Variants in RBFOX2 observed in about 807,000 individuals in gnomAD.
RBFOX2 encodes the protein RNA binding fox-1 homolog 2, also known as RNA binding protein fox-1 homolog 2.
Under a neutral mutation model 49.1 loss-of-function variants are expected in RBFOX2, and 10 were observed. That is an observed-to-expected ratio of 0.20 (90% CI 0.13 to 0.35). The LOEUF (loss-of-function observed/expected upper bound fraction) is 0.35. Ranked by LOEUF, RBFOX2 falls within the 10% of genes least tolerant of loss-of-function variation. RBFOX2 has a pLI of 1.00. For synonymous variants in RBFOX2, 183 were observed against 187.4 expected, an observed-to-expected ratio of 0.98 and a Z score of 0.19; for missense variants, 323 against 486.9, an observed-to-expected ratio of 0.66 and a Z score of 3.17.
intron 1 of RBFOX2, among the ~76,000 whole-genome samples, chr22:35,929,990 A>G (rs1042724452): frequency 3.3e-5 from 5 of 149,720 alleles, no homozygotes; most frequent in Non-Finnish European, 7.4e-5. Flanking sequence ...AGTAAATTTT[A>G]GGTATAGAAA....
In RBFOX2 at chr22:35,781,743, T is replaced by C. The variant is rs769977899; in HGVS notation, c.256A>G (p.Thr86Ala). The C allele has an allele frequency of 3.1e-6, 5 of 1,613,888 alleles. No individual in the cohort carries two copies. In the South Asian group the frequency reaches 5.5e-5, roughly 18 times the overall value. ...CCGTCTGTCTGTGCTCCACCTTCTG[T>C]CTGCTAAGCAAAGAAATAAAGAATG... The change falls in exon 3 of 12, where the codon ACA becomes GCA. Residue 86 changes from threonine (T) to alanine (A), a missense_variant. Physicochemically the swap from Thr to Ala is moderately conservative, Grantham distance 58. Transcript: ENST00000405409.
intron 1 of RBFOX2, among the ~76,000 whole-genome samples, chr22:35,889,842 T>C (rs570291272): frequency 1.3e-5 from 2 of 152,318 alleles, no homozygotes; most frequent in Admixed American, 1.3e-4. Flanking sequence ...ACTAAATGAC[T>C]AACGTGAAAC....
intron 1 of RBFOX2, among the ~76,000 whole-genome samples, chr22:35,976,533 C>T (rs1399707956): frequency 6.6e-6 from 1 of 152,000 alleles, no homozygotes; most frequent in African/African-American, 2.4e-5. Flanking sequence ...GAATTCAATC[C>T]AACATTTTTA....
chr22:35,746,046 A>G, intron 10 of RBFOX2, 51 bp from the exon 13 acceptor site: 3 of 1,503,840 alleles, frequency 2.0e-6, no homozygotes, highest in Non-Finnish European at 2.8e-6. Flanking sequence ...TATGATCTAA[A>G]AAAATTAAAG....
chr22:35,802,594 T>G (rs1277356156), intron 2 of RBFOX2, among the ~76,000 whole-genome samples: 1 of 152,202 alleles, frequency 6.6e-6, no homozygotes. Context: ...AGGGCAGATC[T>G]GACTTGGGAC....
chr22:35,822,911 A>G (rs537470296), intron 1 of RBFOX2: 103 of 354,258 alleles, frequency 2.9e-4, no homozygotes, highest in South Asian at 2.0e-3. Context: ...TGCAACTTCC[A>G]CCTCCGGGTT....
intron 1 of RBFOX2, chr22:35,992,318 C>T (rs184196651): frequency 1.3e-5 from 2 of 152,192 alleles, no homozygotes; most frequent in African/African-American, 4.8e-5. Flanking sequence ...CACACACACA[C>T]AAGTAACAAT....
At chr22:35,958,163 T>C (rs941601533) in intron 1 of RBFOX2, among the ~76,000 whole-genome samples, 1 of 152,228 alleles carries the variant, frequency 6.6e-6, no homozygotes, top group Non-Finnish European at 1.5e-5. Context: ...ATTATTTCAA[T>C]TGAGTTTTAT....
intron 1 of RBFOX2, among the ~76,000 whole-genome samples, chr22:35,971,912 T>TAAA (rs527896726): frequency 0.013 from 715 of 56,590 alleles, 56 homozygotes; most frequent in Non-Finnish European, 0.015. Flanking sequence ...TTTTTCTCCC[T>TAAA]AAAAAAAAAA....
chr22:35,855,534 T>C (rs973793285), intron 1 of RBFOX2, among the ~76,000 whole-genome samples: 1 of 152,074 alleles, frequency 6.6e-6, no homozygotes, highest in African/African-American at 2.4e-5. Context: ...ACCTCCCAAG[T>C]AGATGGAACT....
chr22:35,826,505 C>T (rs976334397), intron 1 of RBFOX2, among the ~76,000 whole-genome samples: 2 of 151,920 alleles, frequency 1.3e-5, no homozygotes, highest in African/African-American at 4.8e-5. Context: ...CACATCAATA[C>T]AAATATGAGG....
chr22:35,749,214 C>T lies in RBFOX2; in HGVS notation c.888-2653G>A, dbSNP rs2042158388. 1.3e-5 allele frequency among the ~76,000 whole-genome samples: 2 copies of T among 152,092 alleles called. No homozygotes were observed. Among genetic ancestry groups the T allele is most frequent in the African/African-American group, 4.8e-5 (2 of 41,410 alleles). ...AAACATGATGAAGTTCTCTGCTTTT[C>T]AAGTGGAAGAAAACAGAACAGGGTT... On this transcript the variant is annotated intron_variant, in intron 9 of 11. Coordinates refer to ENST00000405409, the Ensembl canonical transcript of RBFOX2. The surrounding 1 kb of genome is among the most constrained non-coding windows in gnomAD (Gnocchi z 4.1).
intron 11 of RBFOX2, 61 bp from the exon 14 acceptor site, chr22:35,744,310 AG>A (rs1931422568): frequency 6.8e-7 from 1 of 1,467,486 alleles, no homozygotes; most frequent in African/African-American, 1.4e-5. Flanking sequence ...TTAACAGTGA[AG>A]AAAAATGTCC....
At chr22:35,940,389 T>C (rs992915595), upstream of RBFOX2, among the ~76,000 whole-genome samples, 14 of 152,132 alleles carry the variant, frequency 9.2e-5, no homozygotes, top group African/African-American at 3.4e-4. Context: ...CAAAACCACA[T>C]TGAGATAAAA....
At chr22:35,919,050 A>G (rs972709928) in intron 1 of RBFOX2, among the ~76,000 whole-genome samples, 2 of 152,272 alleles carry the variant, frequency 1.3e-5, no homozygotes, top group African/African-American at 4.8e-5. Flanking sequence ...TAGCAATTAA[A>G]AAATGAAGTA....
chr22:35,976,681 G>A (rs1456855478), intron 1 of RBFOX2, among the ~76,000 whole-genome samples: 5 of 152,066 alleles, frequency 3.3e-5, no homozygotes, highest in African/African-American at 1.2e-4. Context: ...CGAACCACCC[G>A]GCCAGGAACA....
At chr22:35,958,826 CTGTCA>C (rs1035516786) in intron 1 of RBFOX2, among the ~76,000 whole-genome samples, 10 of 152,088 alleles carry the variant, frequency 6.6e-5, no homozygotes, top group Admixed American at 6.6e-4. Context: ...AAAGAGCTGC[CTGTCA>C]TATCTCGTTA....
intron 1 of RBFOX2, among the ~76,000 whole-genome samples, chr22:35,934,984 G>T (rs1329646698): frequency 6.6e-6 from 1 of 152,082 alleles, no homozygotes; most frequent in Non-Finnish European, 1.5e-5. Context: ...ACCCAGGCTG[G>T]AGCGCAGTGG....
chr22:35,955,760 A>G (rs1212477013), intron 1 of RBFOX2, among the ~76,000 whole-genome samples: 5 of 152,116 alleles, frequency 3.3e-5, no homozygotes, highest in Non-Finnish European at 7.4e-5. Context: ...CCTGGTTCCT[A>G]ACAGGCCACA....
Sources: gnomAD v4.1 joint callset for allele counts (sites outside exome capture counted in the v4.1 genomes callset) on GRCh38, gnomAD v4.1.1 for gene constraint, Gnocchi (gnomAD v3.1) non-coding constraint, MANE v1.5 for transcripts, NCBI Gene and HGNC (gene_info 2026-07-23, HGNC 2026-07-21) for gene names.